MAP1LC3C: variants seen among roughly 807,000 people sequenced by gnomAD.
The protein encoded by MAP1LC3C is microtubule associated protein 1 light chain 3 gamma.
MAP1LC3C carries 12 observed loss-of-function variants against 10.4 expected under a neutral mutation model. The ratio of observed to expected loss-of-function variants is 1.15; its 90% CI spans 0.74 to 1.86. The LOEUF is 1.86. Ranked by LOEUF, MAP1LC3C falls within the 40% of genes most tolerant of loss-of-function variation. The pLI is 0.00. For missense variants in MAP1LC3C, 177 were observed against 185.7 expected (o/e 0.95, Z 0.27); for synonymous variants, 70 against 69.0 (o/e 1.01, Z -0.07).
Position 241,995,869 on chromosome 1 carries a change from A to G in MAP1LC3C, c.*294T>C, listed in dbSNP as rs1249140859. 4.5e-6 allele frequency: 1 copy of G among 224,396 alleles called. No homozygotes were observed. The highest frequency in any genetic ancestry group is 2.3e-5 in the African/African-American group (1 of 44,356). The allele number at this position is 224,396 out of a possible 1,614,324, so 13.9% of individuals were successfully genotyped here. On this transcript the variant is annotated 3_prime_UTR_variant, in exon 4 of 4. Transcript: ENST00000357246. ...AGGAGGCGGAGGTTGCAGTGAGCCA[A>G]GATCATGCCACTGTGCTCCAGCCTA...
chr1:241,998,489 C>T (rs148041866), intron 3 of MAP1LC3C, 25 bp downstream of exon 3: 2 of 1,607,472 alleles, frequency 1.2e-6, no homozygotes, highest in Admixed American at 1.7e-5. Flanking sequence ...GCACCTTCCT[C>T]CGGGGCACGC....
At position 241,996,273 on chromosome 1, in the gene MAP1LC3C, C is replaced by T. The variant is rs1201991373; in HGVS notation, c.334G>A (p.Asp112Asn). The T allele has an allele frequency of 6.2e-7, 1 of 1,614,192 alleles. No individual in the cohort carries two copies. Among genetic ancestry groups the T allele is most frequent in the Non-Finnish European group, 8.5e-7 (1 of 1,180,044 alleles). ...AEIYRDYKDE[D>N]GFVYMTYASQ... ...GCGTAGGTCATGTACACGAAGCCAT[C>T]CTCATCCTTGTAGTCTCTGTAGATC... is the stretch of plus-strand genomic sequence containing the variant. Residue 112 changes from aspartate (D) to asparagine (N), a missense_variant, in exon 4 of 4, where the codon GAT becomes AAT. Asp to Asn is a conservative substitution (Grantham distance 23). Transcript: ENST00000357246.
intron 3 of MAP1LC3C, among the ~76,000 whole-genome samples, chr1:241,998,028 T>TTTTTTTTC: frequency 6.9e-6 from 1 of 143,964 alleles, no homozygotes; most frequent in Non-Finnish European, 1.5e-5. Context: ...ATTCTTTTTT[T>TTTTTTTTC]TTTTTTTTTT....
intron 2 of MAP1LC3C, 43 bp downstream of exon 2, chr1:241,998,733 C>A: frequency 6.2e-7 from 1 of 1,613,062 alleles, no homozygotes; most frequent in Non-Finnish European, 8.5e-7. Flanking sequence ...AGGATCGGAA[C>A]CCCACCCCCA....
At chr1:242,001,182 TAGG>T (rs1401956916), upstream of MAP1LC3C, among the ~76,000 whole-genome samples, 1 of 151,778 alleles carries the variant, frequency 6.6e-6, no homozygotes, top group Non-Finnish European at 1.5e-5. Flanking sequence ...GAGACTGAGG[TAGG>T]AGAATGGCTT....
At chr1:241,999,981 A>G (rs571746149), upstream of MAP1LC3C, among the ~76,000 whole-genome samples, 7 of 152,320 alleles carry the variant, frequency 4.6e-5, no homozygotes, top group South Asian at 1.4e-3. Flanking sequence ...CTGGTCATAC[A>G]TAGGGGAAAC....
At position 241,995,919 on chromosome 1, in the gene MAP1LC3C, A is replaced by C. The variant is rs979774843; in HGVS notation, c.*244T>G. 2.1e-4 allele frequency: 29 copies of C among 138,262 alleles called. No individual in the cohort carries two copies. The highest frequency in any genetic ancestry group is 1.4e-3 in the Admixed American group (16 of 11,634). The allele number at this position is 138,262 out of a possible 1,614,324, so 8.6% of individuals were successfully genotyped here. A position where few individuals can be genotyped will look rare whatever the true frequency, so the allele number is the denominator to read the frequency against. Reference sequence around the variant, plus strand: ...AGGCAATAGAGCAAGACCCTGTTTCAAAAAAAAAAAAATGATAATTATATA... The same window carrying C: ...AGGCAATAGAGCAAGACCCTGTTTCCAAAAAAAAAAAATGATAATTATATA... On this transcript the variant is annotated 3_prime_UTR_variant, in exon 4 of 4. Transcript: ENST00000357246.
Position 241,996,464 on chromosome 1 carries a change from A to G in MAP1LC3C, c.222-79T>C, listed in dbSNP as rs1665088350. On this transcript the variant is annotated intron_variant, in intron 3 of 3. Transcript: ENST00000357246. ...CTGCAGCCTCATGACACTCAAGAAG[A>G]CTGAATTGCTCCCTTCTTCTTCCCT... The G allele has an allele frequency of 2.6e-6, 3 of 1,174,784 alleles. No individual in the cohort carries two copies. The East Asian group carries it at 7.1e-5, about 28-fold the overall frequency. The allele number at this position is 1,174,784 out of a possible 1,614,324, so 72.8% of individuals were successfully genotyped here.
rs569818996 is a variant in MAP1LC3C at position 241,998,456 on chromosome 1, C to T, written c.221+58G>A. On this transcript the variant is annotated intron_variant, in intron 3 of 3. Transcript: ENST00000357246. The stretch of plus-strand genomic sequence containing the variant: ...AATAAAACTGCCAAACGAAGAAAGC[C>T]CAACAGCCCCGGCGCACCCAGCGCA... 37 of 1,473,044 alleles carry T rather than the reference C, an allele frequency of 2.5e-5. 1 individual carries two copies. The South Asian group carries it at 4.0e-4, about 16-fold the overall frequency. 91.2% of individuals were successfully genotyped at this position (1,473,044 alleles called of 1,614,324 possible).
At chr1:241,999,215 A>C, upstream of MAP1LC3C, 1 of 978,266 alleles carries the variant, frequency 1.0e-6, no homozygotes, top group Non-Finnish European at 1.4e-6. Context: ...TCTGATGGAA[A>C]TGGAATCGCC....
At chr1:242,001,243 C>G (rs2148602367), upstream of MAP1LC3C, among the ~76,000 whole-genome samples, 1 of 152,066 alleles carries the variant, frequency 6.6e-6, no homozygotes, top group African/African-American at 2.4e-5. Flanking sequence ...TGCCACTGCA[C>G]TCCAGCCTGG....
chr1:241,996,913 A>AAAAAAAAAAAAAAAAC (rs1665096025), intron 3 of MAP1LC3C, among the ~76,000 whole-genome samples: 1 of 150,160 alleles, frequency 6.7e-6, no homozygotes, highest in Non-Finnish European at 1.5e-5. Context: ...GCGTCTCAAA[A>AAAAAAAAAAAAAAAAC]AAAAAAAAAA....
chr1:242,000,144 T>TG (rs1353316944), upstream of MAP1LC3C, among the ~76,000 whole-genome samples: 2 of 152,218 alleles, frequency 1.3e-5, no homozygotes, highest in East Asian at 3.9e-4. Flanking sequence ...ACTCTGACAC[T>TG]GTCTACCTGG....
At chr1:241,999,121 C>T, upstream of MAP1LC3C, 3 of 1,478,162 alleles carry the variant, frequency 2.0e-6, no homozygotes, top group Middle Eastern at 2.1e-4. Flanking sequence ...CTGAAGGAGG[C>T]CCTTATGTAG....
intron 3 of MAP1LC3C, among the ~76,000 whole-genome samples, chr1:241,997,970 T>C (rs2148600225): frequency 6.6e-6 from 1 of 152,168 alleles, no homozygotes; most frequent in African/African-American, 2.4e-5. Flanking sequence ...GTCTTTTTTG[T>C]TGTTGTCGTT....
At chr1:241,996,463 G>T in intron 3 of MAP1LC3C, 78 bp from the exon 4 acceptor site, 3 of 1,189,252 alleles carry the variant, frequency 2.5e-6, no homozygotes, top group Non-Finnish European at 3.6e-6. Flanking sequence ...CACTCAAGAA[G>T]ACTGAATTGC....
chr1:241,996,249 C>T lies in MAP1LC3C; in HGVS notation c.358G>A (p.Ala120Thr), dbSNP rs867743099. 4.6e-5 allele frequency: 75 copies of T among 1,614,048 alleles called. No homozygotes were observed. In the Middle Eastern group the frequency reaches 1.8e-3, roughly 39 times the overall value. The change falls in exon 4 of 4, where the codon GCC (alanine) becomes ACC (threonine). Residue 120 changes from alanine (A) to threonine (T), a missense_variant. Transcript: ENST00000357246. The part of the protein sequence containing the change: ...DEDGFVYMTY[A>T]SQETFGCLES... ...AGGCAGCCAAATGTCTCCTGGGAGG[C>T]GTAGGTCATGTACACGAAGCCATCC...
upstream of MAP1LC3C, among the ~76,000 whole-genome samples, chr1:242,000,779 G>C (rs189419486): frequency 6.6e-6 from 1 of 152,066 alleles, no homozygotes; most frequent in African/African-American, 2.4e-5. Flanking sequence ...GGGTTTTTAC[G>C]GAGGCTTCAT....
intron 3 of MAP1LC3C, 72 bp from the exon 4 acceptor site, chr1:241,996,457 C>A: frequency 8.0e-7 from 1 of 1,245,472 alleles, no homozygotes; most frequent in Non-Finnish European, 1.1e-6. Flanking sequence ...TCATGACACT[C>A]AAGAAGACTG....
Sources: allele counts gnomAD v4.1 joint callset (sites outside exome capture counted in the v4.1 genomes callset), GRCh38; gene constraint gnomAD v4.1.1; transcripts MANE v1.5; gene names NCBI Gene and HGNC (gene_info 2026-07-23, HGNC 2026-07-21).